Variants in SANBR observed in about 807,000 individuals in gnomAD.
SANBR encodes SANT and BTB domain regulator of CSR, also known as SANT and BTB domain regulator of class switch recombination.
A neutral mutation model predicts 101.8 loss-of-function variants in SANBR; 77 were observed. The ratio of observed to expected loss-of-function variants is 0.76; its 90% confidence interval spans 0.63 to 0.91. The LOEUF is 0.91. Among genes scored for constraint, SANBR ranks in the 40% least tolerant of loss-of-function variants. The probability of loss-of-function intolerance (pLI) is 0.00; values close to 1 mark genes in which losing one functional copy is unlikely to be tolerated. For missense variants in SANBR, 875 were observed against 853.0 expected (o/e 1.03, Z -0.32); for synonymous variants, 279 against 274.7 (o/e 1.02, Z -0.15).
Position 61,123,756 on chromosome 2 carries a change from T to C in SANBR, c.*1594T>C, listed in dbSNP as rs1346208662. The stretch of plus-strand genomic sequence containing the variant: ...CCCCTGGGAGGCCTATACCACTGAA[T>C]TAATTTTTACAAACCAGAGTTTATC... On this transcript the variant is annotated 3_prime_UTR_variant, in exon 22 of 22. Coordinates refer to ENST00000402291, the MANE Select transcript of SANBR (RefSeq NM_001129993.3). 1.8e-5 allele frequency: 18 copies of C among 985,450 alleles called. No homozygotes were observed. The highest frequency in any genetic ancestry group is 2.2e-5 in the Non-Finnish European group (18 of 829,922). 61.0% of individuals were successfully genotyped at this position (985,450 alleles called of 1,614,324 possible).
chr2:61,128,968 A>G (rs1284841354), downstream of SANBR, among the ~76,000 whole-genome samples: 1 of 152,092 alleles, frequency 6.6e-6, no homozygotes, highest in Non-Finnish European at 1.5e-5. Flanking sequence ...TTCCAAAACG[A>G]AGGAGGAGAA....
intron 16 of SANBR, among the ~76,000 whole-genome samples, chr2:61,113,389 G>A (rs111327373): frequency 2.0e-5 from 3 of 152,152 alleles, no homozygotes; most frequent in African/African-American, 7.2e-5. Flanking sequence ...TGTTGGGATT[G>A]TGTTGAACCC....
At chr2:61,095,749 T>C (rs1484585832) in intron 11 of SANBR, among the ~76,000 whole-genome samples, 1 of 152,138 alleles carries the variant, frequency 6.6e-6, no homozygotes. Context: ...TGCAGTACTA[T>C]AGCTTTTCAT....
Position 61,124,128 on chromosome 2 carries a change from T to C in SANBR, c.*1966T>C. 1.5e-5 allele frequency: 15 copies of C among 975,700 alleles called. No individual in the cohort carries two copies. Among genetic ancestry groups the C allele is most frequent in the Non-Finnish European group, 1.8e-5 (15 of 820,912 alleles). The allele number at this position is 975,700 out of a possible 1,614,324, so 60.4% of individuals were successfully genotyped here. A position where few individuals can be genotyped will look rare whatever the true frequency, so the allele number is the denominator to read the frequency against. Reference sequence around the variant, plus strand: ...ACAAAAAAAGAATGTGTTTTTAATTTTGTTAATGTTTGTCTGTTATACATA... The same window carrying C: ...ACAAAAAAAGAATGTGTTTTTAATTCTGTTAATGTTTGTCTGTTATACATA... On this transcript the variant is annotated 3_prime_UTR_variant, in exon 22 of 22. Coordinates refer to ENST00000402291, the MANE Select transcript of SANBR (RefSeq NM_001129993.3).
rs141096218 is a variant in SANBR at position 61,136,970 on chromosome 2, AAACAAC to A, written c.*45-478_*45-473del. On this transcript the variant is annotated intron_variant, in intron 21 of 21. Coordinates refer to the SANBR transcript ENST00000295031. ...GTGCGACAGAATGAGACTGTCTCCA[AAACAAC>A]AACAACAACAACAACGATAATAATA... Among the ~76,000 whole-genome samples the A allele has an allele frequency of 1.9e-4, 29 of 151,514 alleles. 1 individual carries two copies. In the South Asian group the frequency reaches 5.9e-3, roughly 31 times the overall value.
At chr2:61,104,468 CAAAAAAAAAAGAGCAAAAAAA>C (rs1259165268) in intron 13 of SANBR, among the ~76,000 whole-genome samples, 2 of 102,640 alleles carry the variant, frequency 1.9e-5, no homozygotes, top group African/African-American at 4.4e-5. Context: ...GGTGACAGAG[CAAAAAAAAAAGAGCAAAAAAA>C]AAAAAGAAAA....
intron 8 of SANBR, among the ~76,000 whole-genome samples, chr2:61,087,368 G>A (rs1682489413): frequency 6.6e-6 from 1 of 151,810 alleles, no homozygotes; most frequent in African/African-American, 2.4e-5. Context: ...GCCAGCCTGG[G>A]CAACATAGCC....
At chr2:61,096,419 G>A (rs1186444323) in intron 11 of SANBR, among the ~76,000 whole-genome samples, 1 of 151,990 alleles carries the variant, frequency 6.6e-6, no homozygotes, top group Non-Finnish European at 1.5e-5. Flanking sequence ...ACCAACTCCT[G>A]GGACTCAGGG....
At chr2:61,068,145 A>C (rs1297113181) in intron 1 of SANBR, among the ~76,000 whole-genome samples, 2 of 152,200 alleles carry the variant, frequency 1.3e-5, no homozygotes, top group Non-Finnish European at 2.9e-5. Context: ...AGTTAAAGAG[A>C]GAAATAAACA....
At chr2:61,094,603 G>C (rs946592789) in intron 11 of SANBR, among the ~76,000 whole-genome samples, 5 of 148,870 alleles carry the variant, frequency 3.4e-5, no homozygotes, top group Non-Finnish European at 7.4e-5. Flanking sequence ...TGTGAACATA[G>C]GTTTTTATTT....
Position 61,123,241 on chromosome 2 carries a change from A to AT in SANBR, c.*1086dup, listed in dbSNP as rs1449661630. On this transcript the variant is annotated 3_prime_UTR_variant, in exon 22 of 22. Coordinates refer to ENST00000402291, the MANE Select transcript of SANBR (RefSeq NM_001129993.3). ...AAAAACTTTAAGATGCACTGTTTCT[A>AT]TTTTTTTAAGTCTTAATTTGCCTTA... 3 of 974,412 alleles carry AT rather than the reference A, an allele frequency of 3.1e-6. No individual in the cohort carries two copies. The highest frequency in any genetic ancestry group is 3.7e-6 in the Non-Finnish European group (3 of 819,828). The allele number at this position is 974,412 out of a possible 1,614,324, so 60.4% of individuals were successfully genotyped here.
Position 61,081,506 on chromosome 2 carries a change from C to G in SANBR, c.725C>G (p.Ser242Ter). ...TCTTCGGAGTTTTTAAAAATGGATT[C>G]ACTAGTAAGTATTGACTTAAAAAAA... ...LISSEFLKMD[S>*]LVEQCIQYCH... The change falls in exon 7 of 22, where the codon TCA becomes TGA. Residue 242 changes from serine to a stop codon, truncating the protein, a stop_gained. Transcript: ENST00000402291. LOFTEE classifies it high-confidence loss of function. 1 of 1,561,794 alleles carries G rather than the reference C, an allele frequency of 6.4e-7. No homozygotes were observed. The highest frequency in any genetic ancestry group is 8.6e-7 in the Non-Finnish European group (1 of 1,158,664).
chr2:61,081,746 T>A (rs1270577808), intron 7 of SANBR, among the ~76,000 whole-genome samples: 1 of 152,180 alleles, frequency 6.6e-6, no homozygotes, highest in Non-Finnish European at 1.5e-5. Context: ...CTTCCCCAGC[T>A]CAAGTGATCC....
rs914633175 is a variant in SANBR at position 61,092,916 on chromosome 2, G to A, written c.1212+329G>A. ...TGGGAGGCCGAGGTGGGCGGATCAC[G>A]AGGTCAGGAAATCAAGACCATCCTA... On this transcript the variant is annotated intron_variant, in intron 11 of 21. Transcript: ENST00000402291. Among the ~76,000 whole-genome samples the A allele has an allele frequency of 4.0e-5, 6 of 151,718 alleles. No individual in the cohort carries two copies. The East Asian group carries it at 1.2e-3, about 29-fold the overall frequency.
chr2:61,077,543 G>A (rs1681858710), intron 6 of SANBR, among the ~76,000 whole-genome samples: 1 of 151,678 alleles, frequency 6.6e-6, no homozygotes, highest in African/African-American at 2.4e-5. Flanking sequence ...GATCAAGGCA[G>A]GGGCACCAAA....
chr2:61,105,364 T>A (rs1400051026), intron 13 of SANBR, among the ~76,000 whole-genome samples: 1 of 148,958 alleles, frequency 6.7e-6, no homozygotes. Flanking sequence ...AGACTCCGTC[T>A]CAAAAAAAAA....
Position 61,081,434 on chromosome 2 carries a change from A to ATT in SANBR, c.671-4_671-3dup, listed in dbSNP as rs74706756. On this transcript the variant is annotated splice_polypyrimidine_tract_variant and intron_variant, in intron 6 of 21. Transcript: ENST00000402291. ...GGGTACCCATCAAAAGGGTAATCTA[A>ATT]TTTTTTTTTTTTTTTAGAGCCAGGA... is the stretch of plus-strand genomic sequence containing the variant. 1,075 of 1,444,594 alleles carry ATT rather than the reference A, an allele frequency of 7.4e-4. No homozygotes were observed. Among genetic ancestry groups the ATT allele is most frequent in the Admixed American group, 2.2e-3 (100 of 44,846 alleles). The allele number at this position is 1,444,594 out of a possible 1,614,324, so 89.5% of individuals were successfully genotyped here. A position where few individuals can be genotyped will look rare whatever the true frequency, so the allele number is the denominator to read the frequency against.
intron 8 of SANBR, among the ~76,000 whole-genome samples, chr2:61,084,135 G>A (rs1682299239): frequency 6.6e-6 from 1 of 151,984 alleles, no homozygotes; most frequent in Non-Finnish European, 1.5e-5. Flanking sequence ...TGTATTTTTT[G>A]TAGAGATGGG....
intron 16 of SANBR, among the ~76,000 whole-genome samples, chr2:61,114,551 A>T (rs1222550384): frequency 6.6e-6 from 1 of 152,166 alleles, no homozygotes; most frequent in African/African-American, 2.4e-5. Context: ...AAGAAAGTTT[A>T]TTTTACAGTT....
Sources: allele counts gnomAD v4.1 joint callset (sites outside exome capture counted in the v4.1 genomes callset), GRCh38; gene constraint gnomAD v4.1.1; transcripts MANE v1.5; gene names NCBI Gene and HGNC (gene_info 2026-07-23, HGNC 2026-07-21).